PLA2R1: variants seen among roughly 807,000 people sequenced by gnomAD.
The protein encoded by PLA2R1 is phospholipase A2 receptor 1.
In PLA2R1, 158 loss-of-function variants were observed where a neutral mutation model predicts 195.9. That is an observed-to-expected ratio of 0.81 (90% CI 0.71 to 0.92). PLA2R1 has a LOEUF of 0.92. Among genes scored for constraint, PLA2R1 ranks in the 40% least tolerant of loss-of-function variants. The probability of loss-of-function intolerance (pLI) is 0.00; values close to 1 mark genes in which losing one functional copy is unlikely to be tolerated. For synonymous variants in PLA2R1, 586 were observed against 598.2 expected, an observed-to-expected ratio of 0.98 and a Z score of 0.30; for missense variants, 1,626 against 1,764.6, an observed-to-expected ratio of 0.92 and a Z score of 1.41.
downstream of PLA2R1, among the ~76,000 whole-genome samples, chr2:159,928,767 G>C (rs1311677048): frequency 6.6e-6 from 1 of 152,150 alleles, no homozygotes; most frequent in Non-Finnish European, 1.5e-5. Flanking sequence ...TAAGGCCATA[G>C]TCACCAAAAC....
chr2:159,951,244 C>A, intron 24 of PLA2R1, 96 bp downstream of exon 24: 1 of 728,256 alleles, frequency 1.4e-6, no homozygotes, highest in Non-Finnish European at 2.4e-6. Context: ...TTTTTGGGAT[C>A]TTTTTTTCAG....
At chr2:159,929,455 AC>A (rs2125897587), downstream of PLA2R1, among the ~76,000 whole-genome samples, 1 of 152,260 alleles carries the variant, frequency 6.6e-6, no homozygotes, top group African/African-American at 2.4e-5. Flanking sequence ...ATGTGATACC[AC>A]TTTACTCCTG....
At chr2:160,015,517 A>G (rs1692673919) in intron 9 of PLA2R1, among the ~76,000 whole-genome samples, 1 of 152,218 alleles carries the variant, frequency 6.6e-6, no homozygotes, top group Admixed American at 6.5e-5. Flanking sequence ...ATAGAACATC[A>G]GTTCTGTATT....
At chr2:159,996,433 A>G (rs904325225) in intron 11 of PLA2R1, among the ~76,000 whole-genome samples, 4 of 152,056 alleles carry the variant, frequency 2.6e-5, no homozygotes, top group Non-Finnish European at 5.9e-5. Context: ...TCCTCTAAAG[A>G]TAAGGTGTTT....
rs375986428 is a variant in PLA2R1, at chr2:160,005,683, C to T, written c.1803G>A (p.Val601=). ...GGTGTGTGTTCCAGTGTGTGTACTG[C>T]ACCGGCTCGGGTTTCTGCCCTACTG... is the stretch of plus-strand genomic sequence containing the variant. ...WKPVGQKPEP[V]QYTHWNTHQP... is the part of the protein sequence containing the mutation. The change falls in exon 11 of 30, where the codon GTG becomes GTA. Residue 601 remains valine, a synonymous_variant. Coordinates refer to ENST00000283243, the MANE Select transcript of PLA2R1 (RefSeq NM_007366.5). 3.7e-6 allele frequency: 6 copies of T among 1,613,978 alleles called. No individual in the cohort carries two copies. The highest frequency in any genetic ancestry group is 1.6e-4 in the Middle Eastern group (1 of 6,084).
In PLA2R1 at chr2:160,055,265, C is replaced by T. The variant is rs764073227; in HGVS notation, c.109+7030G>A. Among the ~76,000 whole-genome samples the T allele has an allele frequency of 5.9e-5, 9 of 152,012 alleles. No homozygotes were observed. The South Asian group carries it at 6.2e-4, about 11-fold the overall frequency. On this transcript the variant is annotated intron_variant, in intron 1 of 29. Coordinates refer to ENST00000283243, the MANE Select transcript of PLA2R1 (RefSeq NM_007366.5). ...AGAAAAGTATGAAGGGGAAGAAATGCGAGGGATGACAAACAGAAATGGGAG... is the reference window on the plus strand; with the variant it reads ...AGAAAAGTATGAAGGGGAAGAAATGTGAGGGATGACAAACAGAAATGGGAG...
chr2:160,009,188 A>G (rs1178020913), intron 10 of PLA2R1, among the ~76,000 whole-genome samples: 1 of 152,278 alleles, frequency 6.6e-6, no homozygotes, highest in Non-Finnish European at 1.5e-5. Flanking sequence ...CATATGATCC[A>G]GCAATTTCAC....
the PLA2R1 span, among the ~76,000 whole-genome samples, chr2:159,925,746 A>G: frequency 1.3e-5 from 2 of 152,172 alleles, no homozygotes; most frequent in African/African-American, 4.8e-5. Context: ...CTGGTGCTCC[A>G]TTTCTCATTA....
chr2:160,060,403 T>C (rs1695875110), intron 1 of PLA2R1, among the ~76,000 whole-genome samples: 1 of 152,208 alleles, frequency 6.6e-6, no homozygotes, highest in African/African-American at 2.4e-5. Context: ...CATTTTGTAT[T>C]GACAGTAAAA....
chr2:159,969,263 A>G lies in PLA2R1; in HGVS notation c.2757T>C (p.Ser919=). 6.4e-7 allele frequency: 1 copy of G among 1,572,752 alleles called. No individual in the cohort carries two copies. The highest frequency in any genetic ancestry group is 1.3e-5 in the African/African-American group (1 of 74,106). Residue 919 remains serine (S), a synonymous_variant, in exon 19 of 30, where the codon TCT becomes TCC. Transcript: ENST00000283243. ...NQSQRCGFIS[S]ITGLWGSEEC... ...ATGGGTAAGTAAAATAACCTGTTAT[A>G]GAAGAAATAAAGCCACATCTCTGGC...
chr2:160,033,788 G>A (rs1188512357), intron 3 of PLA2R1, among the ~76,000 whole-genome samples: 1 of 152,164 alleles, frequency 6.6e-6, no homozygotes, highest in Non-Finnish European at 1.5e-5. Flanking sequence ...TGAAATAACA[G>A]AAAATTAAGA....
At chr2:160,047,479 C>G (rs979247289) in intron 1 of PLA2R1, among the ~76,000 whole-genome samples, 3 of 152,212 alleles carry the variant, frequency 2.0e-5, no homozygotes, top group African/African-American at 7.2e-5. Context: ...AGCACAAAAG[C>G]TTATTTTTAC....
intron 28 of PLA2R1, among the ~76,000 whole-genome samples, chr2:159,944,085 C>T (rs1560129155): frequency 6.6e-6 from 1 of 151,848 alleles, no homozygotes; most frequent in Non-Finnish European, 1.5e-5. Flanking sequence ...AGCTCTTTAG[C>T]CTGGCACTCT....
rs1036346587 is a variant in PLA2R1, at chr2:159,947,018, A to G, written c.3851-101T>C. 9.1e-6 allele frequency: 7 copies of G among 772,740 alleles called. No homozygotes were observed. The African/African-American group carries it at 1.3e-4, about 14-fold the overall frequency. The allele number at this position is 772,740 out of a possible 1,614,324, so 47.9% of individuals were successfully genotyped here. On this transcript the variant is annotated intron_variant, in intron 26 of 29. Transcript: ENST00000283243. ...TTAATTGTAAAGCTCAGGTTTTGAA[A>G]AGTGAAAATTTCCATTATAAAGAAG...
chr2:159,930,122 T>C (rs796252225), downstream of PLA2R1, among the ~76,000 whole-genome samples: 19 of 152,142 alleles, frequency 1.2e-4, no homozygotes, highest in African/African-American at 2.9e-4. Flanking sequence ...AGACTACACA[T>C]TGGTGGCCAG....
intron 1 of PLA2R1, among the ~76,000 whole-genome samples, chr2:160,052,330 C>T (rs1248788443): frequency 6.6e-6 from 1 of 152,194 alleles, no homozygotes; most frequent in Non-Finnish European, 1.5e-5. Flanking sequence ...CTTGCCACTC[C>T]CTGGCCATTC....
At chr2:159,994,631 T>C (rs1691080709) in intron 11 of PLA2R1, among the ~76,000 whole-genome samples, 2 of 151,972 alleles carry the variant, frequency 1.3e-5, no homozygotes, top group African/African-American at 4.8e-5. Context: ...ATGTTGAGGA[T>C]TTGTTATGAA....
chr2:159,998,776 TA>T (rs1431484951), intron 11 of PLA2R1, among the ~76,000 whole-genome samples: 1 of 152,136 alleles, frequency 6.6e-6, no homozygotes, highest in Non-Finnish European at 1.5e-5. Context: ...CTTTAACCAC[TA>T]AATCCTACTA....
intron 6 of PLA2R1, among the ~76,000 whole-genome samples, chr2:160,027,815 C>G (rs1693617522): frequency 6.6e-6 from 1 of 152,246 alleles, no homozygotes; most frequent in South Asian, 2.1e-4. Flanking sequence ...ATAAGAGATT[C>G]AGAGTGTGGC....
Sources: gnomAD v4.1 joint callset for allele counts (sites outside exome capture counted in the v4.1 genomes callset) on GRCh38, gnomAD v4.1.1 for gene constraint, MANE v1.5 for transcripts, NCBI Gene and HGNC (gene_info 2026-07-23, HGNC 2026-07-21) for gene names.